EPHA6: variants seen among roughly 807,000 people sequenced by gnomAD.
EPHA6 encodes the protein ephrin type-A receptor 6.
A neutral mutation model predicts 112.0 loss-of-function variants in EPHA6; 50 were observed. The ratio of observed to expected loss-of-function variants is 0.45; its 90% CI spans 0.36 to 0.56. The LOEUF (loss-of-function observed/expected upper bound fraction) is 0.56, where lower values mean the gene tolerates loss of function less well. Ranked by LOEUF, EPHA6 falls within the 20% of genes least tolerant of loss-of-function variation. The probability of loss-of-function intolerance (pLI) is 0.00; values close to 1 mark genes in which losing one functional copy is unlikely to be tolerated. For missense variants in EPHA6, 1,280 were observed against 1,417.4 expected (o/e 0.90, Z 1.56); for synonymous variants, 529 against 490.7 (o/e 1.08, Z -1.03).
At chr3:97,062,397 G>A (rs774277339) in intron 3 of EPHA6, among the ~76,000 whole-genome samples, 30 of 152,212 alleles carry the variant, frequency 2.0e-4, no homozygotes, top group Non-Finnish European at 2.8e-4. Flanking sequence ...TAGGGTTCCC[G>A]AGATAGAATG....
Position 96,844,702 on chromosome 3 carries a change from G to A in EPHA6, c.386-22123G>A, listed in dbSNP as rs79250192. 5.5e-3 allele frequency among the ~76,000 whole-genome samples: 838 copies of A among 152,034 alleles called. 4 individuals are homozygous for A. The highest frequency in any genetic ancestry group is 8.6e-3 in the Non-Finnish European group (587 of 67,934). Reference sequence around the variant, plus strand: ...AATACTTTCTGTAATCAATGGTTGGGTATACATGATGATAATTCCAACTGA... The same window carrying A: ...AATACTTTCTGTAATCAATGGTTGGATATACATGATGATAATTCCAACTGA... On this transcript the variant is annotated intron_variant, in intron 1 of 17. Transcript: ENST00000389672.
intron 3 of EPHA6, among the ~76,000 whole-genome samples, chr3:97,140,065 A>G (rs897420747): frequency 2.6e-5 from 4 of 152,134 alleles, no homozygotes; most frequent in African/African-American, 9.6e-5. Context: ...CTTTAATTGA[A>G]AGCTCTAATA....
intron 13 of EPHA6, among the ~76,000 whole-genome samples, chr3:97,629,505 C>T (rs2093886050): frequency 6.6e-6 from 1 of 151,908 alleles, no homozygotes. Flanking sequence ...CCTCTTTAAA[C>T]ACTGTATTAA....
At chr3:96,909,266 G>A (rs1291952851) in intron 2 of EPHA6, among the ~76,000 whole-genome samples, 1 of 151,856 alleles carries the variant, frequency 6.6e-6, no homozygotes, top group Non-Finnish European at 1.5e-5. Flanking sequence ...TCTTAGATAA[G>A]TAAGCAAACA....
chr3:97,732,302 C>A (rs1031887103), intron 15 of EPHA6, among the ~76,000 whole-genome samples: 5 of 151,488 alleles, frequency 3.3e-5, no homozygotes, highest in Non-Finnish European at 7.4e-5. Context: ...TCACATAACC[C>A]TTAAGGTTCA....
chr3:97,432,068 A>G (rs1298047152), intron 6 of EPHA6, among the ~76,000 whole-genome samples: 1 of 152,148 alleles, frequency 6.6e-6, no homozygotes, highest in African/African-American at 2.4e-5. Flanking sequence ...CTATATAAAG[A>G]TACCTCAAGA....
chr3:97,429,581 A>G (rs2089371711), intron 6 of EPHA6, among the ~76,000 whole-genome samples: 1 of 152,202 alleles, frequency 6.6e-6, no homozygotes, highest in Admixed American at 6.5e-5. Context: ...GCCTAGAGAT[A>G]GAAAAGAAAG....
intron 1 of EPHA6, among the ~76,000 whole-genome samples, chr3:96,820,766 G>A (rs1044472585): frequency 6.6e-6 from 1 of 151,936 alleles, no homozygotes; most frequent in Admixed American, 6.6e-5. Context: ...AATGCAATTT[G>A]ATTCATTTCT....
chr3:97,016,515 C>T (rs1287461839), intron 3 of EPHA6, among the ~76,000 whole-genome samples: 2 of 152,076 alleles, frequency 1.3e-5, no homozygotes, highest in Admixed American at 6.6e-5. Context: ...GCATACAATT[C>T]AGTTAAAATC....
intron 5 of EPHA6, among the ~76,000 whole-genome samples, chr3:97,372,228 T>G (rs2085098133): frequency 6.6e-6 from 1 of 151,940 alleles, no homozygotes; most frequent in South Asian, 2.1e-4. Context: ...GACACCCAGG[T>G]TTAAAATTTT....
intron 17 of EPHA6, among the ~76,000 whole-genome samples, chr3:97,747,855 C>T (rs1254114228): frequency 6.6e-6 from 1 of 151,870 alleles, no homozygotes; most frequent in Admixed American, 6.6e-5. Flanking sequence ...TTAATTTTAC[C>T]TTGGCAAATT....
At position 97,386,082 on chromosome 3, in the gene EPHA6, C is replaced by A. The variant is rs916689737; in HGVS notation, c.1607-19068C>A. Among the ~76,000 whole-genome samples the A allele has an allele frequency of 2.6e-5, 4 of 152,070 alleles. 1 individual carries two copies. Among genetic ancestry groups the A allele is most frequent in the Admixed American group, 1.3e-4 (2 of 15,268 alleles). ...ACACAATCATGTTTTTCCAACAGTC[C>A]CCCAAAGTTCTAACTCATTCAAGCA... On this transcript the variant is annotated intron_variant, in intron 5 of 17. Coordinates refer to ENST00000389672, the MANE Select transcript of EPHA6 (RefSeq NM_001080448.3).
intron 6 of EPHA6, among the ~76,000 whole-genome samples, chr3:97,438,589 T>C (rs1461112403): frequency 6.6e-5 from 10 of 152,170 alleles, no homozygotes; most frequent in Admixed American, 6.6e-4. Flanking sequence ...CATGAGAGCC[T>C]ACAATATGCT....
chr3:97,679,235 A>G (rs1185317874), intron 14 of EPHA6, among the ~76,000 whole-genome samples: 1 of 152,136 alleles, frequency 6.6e-6, no homozygotes, highest in Admixed American at 6.6e-5. Flanking sequence ...ATAGTTGCTA[A>G]GAGTTTAGCA....
chr3:97,207,519 A>AGTAG (rs1299645039), intron 3 of EPHA6, among the ~76,000 whole-genome samples: 5 of 152,172 alleles, frequency 3.3e-5, no homozygotes, highest in Admixed American at 3.3e-4. Flanking sequence ...CTGGTCCAGT[A>AGTAG]GATTATTTTA....
chr3:97,086,382 A>G (rs956105416), intron 3 of EPHA6, among the ~76,000 whole-genome samples: 5 of 152,090 alleles, frequency 3.3e-5, no homozygotes, highest in African/African-American at 7.2e-5. Context: ...TCCTCAAATT[A>G]TAGTTTACCT....
At chr3:96,975,481 A>T (rs183409070) in intron 2 of EPHA6, among the ~76,000 whole-genome samples, 16 of 152,290 alleles carry the variant, frequency 1.1e-4, no homozygotes, top group Non-Finnish European at 1.9e-4. Flanking sequence ...TGGATTCCTT[A>T]TTGTTATTAT....
At chr3:96,932,347 C>T (rs1369586046) in intron 2 of EPHA6, among the ~76,000 whole-genome samples, 1 of 152,140 alleles carries the variant, frequency 6.6e-6, no homozygotes, top group Non-Finnish European at 1.5e-5. Context: ...CTTTGTTTAT[C>T]CTTTACTCTT....
chr3:97,353,344 A>C (rs1199599483), intron 5 of EPHA6, among the ~76,000 whole-genome samples: 2 of 150,740 alleles, frequency 1.3e-5, no homozygotes, highest in African/African-American at 2.4e-5. Flanking sequence ...TGGGCCACAG[A>C]CTCCTGTGGC....
Sources: gnomAD v4.1 joint callset for allele counts (sites outside exome capture counted in the v4.1 genomes callset) on GRCh38, gnomAD v4.1.1 for gene constraint, MANE v1.5 for transcripts, NCBI Gene and HGNC (gene_info 2026-07-23, HGNC 2026-07-21) for gene names.